GPC6: variants seen among roughly 807,000 people sequenced by gnomAD.
The protein encoded by GPC6 is glypican 6, also known as glypican-6.
Under a neutral mutation model 55.2 loss-of-function variants are expected in GPC6, and 14 were observed. The observed-to-expected ratio is 0.25, with a 90% CI of 0.17 to 0.40. The LOEUF is 0.40. Ranked by LOEUF, GPC6 falls within the 10% of genes least tolerant of loss-of-function variation. GPC6 has a pLI of 1.00. For synonymous variants in GPC6, 278 were observed against 259.6 expected (o/e 1.07, Z -0.68); for missense variants, 641 against 708.5 (o/e 0.90, Z 1.08).
intron 1 of GPC6, among the ~76,000 whole-genome samples, chr13:93,377,383 G>A (rs1309225193): frequency 1.3e-5 from 2 of 152,174 alleles, no homozygotes; most frequent in African/African-American, 4.8e-5. Context: ...CCAGGAAAGG[G>A]GCTAGAAGGT....
At chr13:94,077,570 G>A (rs1175150543) in intron 4 of GPC6, among the ~76,000 whole-genome samples, 4 of 151,668 alleles carry the variant, frequency 2.6e-5, no homozygotes, top group African/African-American at 9.7e-5. Flanking sequence ...AAAGCTTTCA[G>A]CTTCTCATCT....
At chr13:93,595,742 G>C (rs1877699322) in intron 2 of GPC6, among the ~76,000 whole-genome samples, 1 of 151,890 alleles carries the variant, frequency 6.6e-6, no homozygotes, top group South Asian at 2.1e-4. Context: ...TCATTATTTT[G>C]TTCTTTAATA....
chr13:93,755,160 T>G (rs147383301), intron 2 of GPC6, among the ~76,000 whole-genome samples: 2 of 152,170 alleles, frequency 1.3e-5, no homozygotes, highest in Non-Finnish European at 2.9e-5. Flanking sequence ...ATTTTTGCCA[T>G]TTGAAGAGAT....
At chr13:93,908,429 A>G (rs1028979941) in intron 3 of GPC6, among the ~76,000 whole-genome samples, 1 of 152,210 alleles carries the variant, frequency 6.6e-6, no homozygotes, top group Non-Finnish European at 1.5e-5. Flanking sequence ...TAAACTGCAG[A>G]ATTCCCAGAT....
intron 2 of GPC6, among the ~76,000 whole-genome samples, chr13:93,599,416 G>C (rs751672563): frequency 2.0e-5 from 3 of 152,066 alleles, no homozygotes; most frequent in Admixed American, 6.6e-5. Context: ...AAGCTGATCA[G>C]GGAAGCATGA....
intron 2 of GPC6, among the ~76,000 whole-genome samples, chr13:93,804,857 C>T (rs1426611748): frequency 6.6e-6 from 1 of 152,166 alleles, no homozygotes; most frequent in Non-Finnish European, 1.5e-5. Context: ...ACTTAAAACT[C>T]CCTGAGTCTC....
chr13:93,831,565 T>C (rs1046463505), intron 3 of GPC6, among the ~76,000 whole-genome samples: 19 of 152,004 alleles, frequency 1.2e-4, no homozygotes, highest in African/African-American at 4.6e-4. Context: ...TCTTTTTTTT[T>C]TTTTGACACT....
chr13:93,990,163 T>G (rs1468730410), intron 3 of GPC6, among the ~76,000 whole-genome samples: 1 of 152,002 alleles, frequency 6.6e-6, no homozygotes, highest in Non-Finnish European at 1.5e-5. Flanking sequence ...TCAAATGAAT[T>G]CTAGCACTCA....
At position 94,006,212 on chromosome 13, in the gene GPC6, A is replaced by G. The variant is rs1237550621; in HGVS notation, c.712-21517A>G. Reference sequence around the variant, plus strand: ...ATGTTTATTTGAGTATATTCAAATGATGCTTTTCTGTGAAAGGGCCATGTA... The same window carrying G: ...ATGTTTATTTGAGTATATTCAAATGGTGCTTTTCTGTGAAAGGGCCATGTA... On this transcript the variant is annotated intron_variant, in intron 3 of 8. Coordinates refer to ENST00000377047, the MANE Select transcript of GPC6 (RefSeq NM_005708.5). 2.0e-5 allele frequency among the ~76,000 whole-genome samples: 3 copies of G among 152,340 alleles called. No individual in the cohort carries two copies. In the East Asian group the frequency reaches 5.8e-4, roughly 29 times the overall value.
intron 2 of GPC6, among the ~76,000 whole-genome samples, chr13:93,559,332 A>G (rs1472653895): frequency 6.6e-6 from 1 of 152,208 alleles, no homozygotes; most frequent in Non-Finnish European, 1.5e-5. Context: ...GTAAAATGTT[A>G]TATTTCTTTC....
chr13:93,716,314 C>G (rs894228866), intron 2 of GPC6, among the ~76,000 whole-genome samples: 1 of 151,550 alleles, frequency 6.6e-6, no homozygotes, highest in Non-Finnish European at 1.5e-5. Flanking sequence ...TTCAGGAGGT[C>G]TTCTAGGAGA....
chr13:93,777,585 G>A lies in GPC6; in HGVS notation c.320-52569G>A, dbSNP rs9584156. Among the ~76,000 whole-genome samples the A allele has an allele frequency of 5.6e-3, 857 of 152,310 alleles. 11 individuals are homozygous for A. Among genetic ancestry groups the A allele is most frequent in the African/African-American group, 0.02 (824 of 41,576 alleles). ...TTTTGTTAGGAGAATATGCCAAAAA[G>A]TAGAATCGGTACCTATGTAGACATT... On this transcript the variant is annotated intron_variant, in intron 2 of 8. Coordinates refer to ENST00000377047, the MANE Select transcript of GPC6 (RefSeq NM_005708.5).
At chr13:94,395,790 G>A (rs960251104) in intron 7 of GPC6, among the ~76,000 whole-genome samples, 2 of 152,214 alleles carry the variant, frequency 1.3e-5, no homozygotes, top group Admixed American at 6.5e-5. Context: ...AACAGTAATG[G>A]CAATTAGGTA....
At chr13:94,120,920 C>T (rs1487391825) in intron 4 of GPC6, among the ~76,000 whole-genome samples, 1 of 152,046 alleles carries the variant, frequency 6.6e-6, no homozygotes, top group African/African-American at 2.4e-5. Flanking sequence ...ATTATATTCC[C>T]ACTAGTTCAG....
chr13:93,804,027 A>G (rs576843015), intron 2 of GPC6, among the ~76,000 whole-genome samples: 3 of 152,158 alleles, frequency 2.0e-5, no homozygotes, highest in Non-Finnish European at 4.4e-5. Flanking sequence ...TGAATAGGTG[A>G]ATATATTAAA....
chr13:94,133,535 T>C (rs1258632423), intron 4 of GPC6, among the ~76,000 whole-genome samples: 1 of 152,060 alleles, frequency 6.6e-6, no homozygotes, highest in Admixed American at 6.6e-5. Context: ...CTTTGCAAAA[T>C]GAAAATAGAG....
At chr13:93,957,225 T>C (rs1161271936) in intron 3 of GPC6, among the ~76,000 whole-genome samples, 1 of 152,248 alleles carries the variant, frequency 6.6e-6, no homozygotes, top group Non-Finnish European at 1.5e-5. Flanking sequence ...ACTACTTTTA[T>C]GCTGCCCTCT....
At chr13:94,349,062 T>C (rs149844499) in intron 6 of GPC6, among the ~76,000 whole-genome samples, 1 of 152,230 alleles carries the variant, frequency 6.6e-6, no homozygotes, top group African/African-American at 2.4e-5. Flanking sequence ...GCAGACGTGT[T>C]TTCATGATGC....
intron 1 of GPC6, among the ~76,000 whole-genome samples, chr13:93,307,485 A>C (rs989078623): frequency 6.6e-6 from 1 of 152,180 alleles, no homozygotes; most frequent in Non-Finnish European, 1.5e-5. Flanking sequence ...AAAAATACTC[A>C]AAATACTTTA....
Sources: gnomAD v4.1 joint callset for allele counts (sites outside exome capture counted in the v4.1 genomes callset) on GRCh38, gnomAD v4.1.1 for gene constraint, MANE v1.5 for transcripts, NCBI Gene and HGNC (gene_info 2026-07-23, HGNC 2026-07-21) for gene names.